PORCN: variants seen among roughly 807,000 people sequenced by gnomAD.
PORCN encodes the protein porcupine O-acyltransferase.
PORCN carries 1 observed loss-of-function variant against 43.0 expected under a neutral mutation model. The ratio of observed to expected loss-of-function variants is 0.02; its 90% confidence interval spans 0.01 to 0.11. The LOEUF (loss-of-function observed/expected upper bound fraction) is 0.11. PORCN is among the 10% of genes least tolerant of loss of function. PORCN has a pLI of 1.00. For missense variants in PORCN, 240 were observed against 392.1 expected (o/e 0.61, Z 3.28); for synonymous variants, 148 against 166.4 (o/e 0.89, Z 0.85).
At position 48,511,858 on chromosome X, in the gene PORCN, G is replaced by A. The variant is rs782449544; in HGVS notation, c.330-34G>A. ...CCCCATGGTCTCAGAGGCCATGAGT[G>A]TCATGGGACCAAGACCAGCACCTTT... On this transcript the variant is annotated intron_variant, in intron 3 of 14. Coordinates refer to ENST00000326194, the MANE Select transcript of PORCN (RefSeq NM_203475.3). 3.4e-6 allele frequency: 4 copies of A among 1,192,711 alleles called. No homozygotes were observed. The African/African-American group carries it at 5.3e-5, about 16-fold the overall frequency.
chrX:48,512,263 C>A, intron 4 of PORCN, 63 bp from the exon 5 acceptor site: 1 of 1,162,756 alleles, frequency 8.6e-7, no homozygotes, highest in Non-Finnish European at 1.2e-6. Context: ...ACCTGGTGCA[C>A]CTCCTCCTTG....
chrX:48,512,715 C>T lies in PORCN; in HGVS notation c.682C>T (p.Arg228Cys), dbSNP rs1556974235. 4 of 1,212,324 alleles carry T rather than the reference C, an allele frequency of 3.3e-6. No homozygotes were observed. Among genetic ancestry groups the T allele is most frequent in the Non-Finnish European group, 4.5e-6 (4 of 895,583 alleles). The change falls in exon 6 of 15, where the codon CGC (arginine) becomes TGC (cysteine). Residue 228 changes from arginine (R) to cysteine (C), a missense_variant. Arg to Cys is a radical substitution (Grantham distance 180). Transcript: ENST00000326194. ...CCCCCTCAACGGTGACCGCCTCCTT[C>T]GCAAGTGAGCACAGCCTTCGAGGCC... ...FIPLNGDRLL[R>C]NKKRKARGTM...
chrX:48,512,395 C>T lies in PORCN; in HGVS notation c.443C>T (p.Thr148Met), dbSNP rs782273836. The T allele has an allele frequency of 9.1e-6, 11 of 1,209,824 alleles. No homozygotes were observed. The highest frequency in any genetic ancestry group is 5.3e-5 in the South Asian group (3 of 56,766). ...GFDLDRGEVG[T>M]VPSPVEFMGY... ...GACCTGGACCGGGGCGAGGTGGGTACGGTGCCCTCGCCAGTGGAGTTCATG... is the reference window on the plus strand; with the variant it reads ...GACCTGGACCGGGGCGAGGTGGGTATGGTGCCCTCGCCAGTGGAGTTCATG... The change falls in exon 5 of 15, where the codon ACG becomes ATG. Residue 148 changes from threonine (T) to methionine (M), a missense_variant. By Grantham distance (81) the Thr-to-Met change is moderately conservative. Transcript: ENST00000326194.
At chrX:48,514,481 G>A in intron 9 of PORCN, 44 bp from the exon 10 acceptor site, 1 of 1,188,333 alleles carries the variant, frequency 8.4e-7, no homozygotes. Flanking sequence ...GCGGTCAGAT[G>A]AGTTGAGATC....
intron 14 of PORCN, 112 bp downstream of exon 14, chrX:48,517,405 G>T (rs1396695501): frequency 1.3e-5 from 7 of 536,705 alleles, no homozygotes; most frequent in Non-Finnish European, 2.2e-5. Flanking sequence ...AGACTGTGCT[G>T]CTTCGCCTGG....
At chrX:48,518,086 AT>A (rs1302480975) in intron 14 of PORCN, among the ~76,000 whole-genome samples, 7 of 106,782 alleles carry the variant, frequency 6.6e-5, no homozygotes, top group African/African-American at 2.1e-4. Context: ...TGTTTTTTTA[AT>A]TTTTTTTGTA....
intron 14 of PORCN, among the ~76,000 whole-genome samples, chrX:48,519,519 T>C (rs1462593870): frequency 8.9e-6 from 1 of 111,812 alleles, no homozygotes; most frequent in African/African-American, 3.3e-5. Flanking sequence ...TTGCAAGTGA[T>C]GTTGCAGCAG....
At position 48,520,240 on chromosome X, in the gene PORCN, T is replaced by C. The variant is rs2061750054; in HGVS notation, c.1285-135T>C. ...AAGACAAAAACTATATCTGGTCACC[T>C]TTCATATGTACCTAGGCCCTTCTGC... On this transcript the variant is annotated intron_variant, in intron 14 of 14. Coordinates refer to ENST00000326194, the MANE Select transcript of PORCN (RefSeq NM_203475.3). The C allele has an allele frequency of 5.8e-6, 3 of 518,005 alleles. No homozygotes were observed. The South Asian group carries it at 7.5e-5, about 13-fold the overall frequency. 42.7% of individuals were successfully genotyped at this position (518,005 alleles called of 1,213,427 possible).
In PORCN at chrX:48,512,526, G is replaced by A; in HGVS notation, c.555+19G>A. On this transcript the variant is annotated intron_variant, in intron 5 of 14. Coordinates refer to ENST00000326194, the MANE Select transcript of PORCN (RefSeq NM_203475.3). ...CCCACTGGTGAGGTCCTGAGTGGAT[G>A]GGTGGGCAGGGACTGTGGGAGCCAC... The A allele has an allele frequency of 3.3e-6, 4 of 1,207,438 alleles. No homozygotes were observed. Among genetic ancestry groups the A allele is most frequent in the Non-Finnish European group, 4.5e-6 (4 of 893,386 alleles).
At chrX:48,514,399 G>C in intron 9 of PORCN, 34 bp downstream of exon 9, 1 of 1,202,176 alleles carries the variant, frequency 8.3e-7, no homozygotes, top group South Asian at 1.8e-5. Context: ...CTCCCACAGG[G>C]TGCTGCCTAG....
rs919048816 is a variant in PORCN at position 48,510,059 on chromosome X, C to T, written c.136+103C>T. On this transcript the variant is annotated intron_variant, in intron 2 of 14. Transcript: ENST00000326194. ...TTACCCTGTCACATCCTGCCAGGCC[C>T]TAGCATGTCCAAGCTGGACCCCAAC... is the stretch of plus-strand genomic sequence containing the variant. 1.1e-4 allele frequency: 74 copies of T among 662,266 alleles called. 1 individual carries two copies. In the Admixed American group the frequency reaches 1.9e-3, roughly 17 times the overall value. The allele number at this position is 662,266 out of a possible 1,213,427, so 54.6% of individuals were successfully genotyped here.
At chrX:48,511,998 C>A in intron 4 of PORCN, 63 bp downstream of exon 4, 1 of 928,672 alleles carries the variant, frequency 1.1e-6, no homozygotes, top group Non-Finnish European at 1.6e-6. Context: ...CTCCTAACTG[C>A]CCCCACCCTG....
Position 48,517,237 on chromosome X carries a change from C to A in PORCN, c.1228C>A (p.Leu410Met), listed in dbSNP as rs966088285. 1 of 1,171,337 alleles carries A rather than the reference C, an allele frequency of 8.5e-7. No homozygotes were observed. The highest frequency in any genetic ancestry group is 1.1e-6 in the Non-Finnish European group (1 of 874,228). ...CTTTGGAGCTCTGGCCATCTTCCAC[C>A]TGGCCTACCTGGGCTCCCTGTTTGA... ...LLFGALAIFH[L>M]AYLGSLFDVD... Residue 410 changes from leucine to methionine, a missense_variant, in exon 14 of 15, where the codon CTG becomes ATG. Coordinates refer to ENST00000326194, the MANE Select transcript of PORCN (RefSeq NM_203475.3).
At position 48,509,099 on chromosome X, in the gene PORCN, G is replaced by A. The variant is rs1164379709; in HGVS notation, c.-42G>A. On this transcript the variant is annotated 5_prime_UTR_variant, in exon 1 of 15. Coordinates refer to ENST00000326194, the MANE Select transcript of PORCN (RefSeq NM_203475.3). ...TCCCCAGGACCACGGCTTCTTTCCT[G>A]CCAGGTAGGTCGCCAGTAGTGCGCA... 8.3e-6 allele frequency: 1 copy of A among 120,672 alleles called. No homozygotes were observed. The highest frequency in any genetic ancestry group is 2.4e-4 in the East Asian group (1 of 4,122). The allele number at this position is 120,672 out of a possible 1,213,427, so 9.9% of individuals were successfully genotyped here.
At chrX:48,511,993 A>C (rs1260233028) in intron 4 of PORCN, 58 bp downstream of exon 4, 2 of 936,410 alleles carry the variant, frequency 2.1e-6, no homozygotes, top group Non-Finnish European at 1.5e-6. Flanking sequence ...CTCGTCTCCT[A>C]ACTGCCCCCA....
intron 10 of PORCN, 161 bp from the exon 11 acceptor site, chrX:48,515,556 A>C: frequency 2.0e-6 from 1 of 501,242 alleles, no homozygotes; most frequent in Non-Finnish European, 3.6e-6. Flanking sequence ...CAGGCTGGGA[A>C]GATCGGGAGC....
At chrX:48,519,718 G>A (rs2061745063) in intron 14 of PORCN, among the ~76,000 whole-genome samples, 1 of 112,526 alleles carries the variant, frequency 8.9e-6, no homozygotes, top group Admixed American at 9.4e-5. Context: ...GAAGATGGCC[G>A]GGCGGGGTGG....
intron 10 of PORCN, chrX:48,515,420 C>T: frequency 2.5e-6 from 1 of 394,148 alleles, no homozygotes; most frequent in Non-Finnish European, 4.5e-6. Context: ...GTGGAACTCA[C>T]ACAATTTGCT....
In PORCN at chrX:48,517,203, A is replaced by T; in HGVS notation, c.1194A>T (p.Leu398Phe). The T allele has an allele frequency of 8.5e-7, 1 of 1,169,877 alleles. No homozygotes were observed. Among genetic ancestry groups the T allele is most frequent in the East Asian group, 3.2e-5 (1 of 31,105 alleles). ...QHRLGLGVRA[L>F]NLLFGALAIF... Reference sequence around the variant, plus strand: ...CACAGGGCCTGGGGGTGCGAGCCTTAAACTTGCTCTTTGGAGCTCTGGCCA... The same window carrying T: ...CACAGGGCCTGGGGGTGCGAGCCTTTAACTTGCTCTTTGGAGCTCTGGCCA... The change falls in exon 14 of 15, where the codon TTA becomes TTT. Residue 398 changes from leucine (L) to phenylalanine (F), a missense_variant. Leu to Phe is a conservative substitution (Grantham distance 22). Coordinates refer to ENST00000326194, the MANE Select transcript of PORCN (RefSeq NM_203475.3).
Sources: allele counts gnomAD v4.1 joint callset (sites outside exome capture counted in the v4.1 genomes callset), GRCh38; gene constraint gnomAD v4.1.1; transcripts MANE v1.5; gene names NCBI Gene and HGNC (gene_info 2026-07-23, HGNC 2026-07-21).